JAZF1: variants seen among roughly 807,000 people sequenced by gnomAD.
JAZF1 encodes juxtaposed with another zinc finger protein 1.
In JAZF1, 8 loss-of-function variants were observed where a neutral mutation model predicts 26.4. The observed-to-expected ratio is 0.30, with a 90% CI of 0.18 to 0.55. JAZF1 has a LOEUF of 0.55. JAZF1 is among the 20% of genes least tolerant of loss of function. The probability of loss-of-function intolerance (pLI) is 0.94; values close to 1 mark genes in which losing one functional copy is unlikely to be tolerated. For synonymous variants in JAZF1, 126 were observed against 122.3 expected (o/e 1.03, Z -0.20); for missense variants, 199 against 322.0 (o/e 0.62, Z 2.92).
intron 1 of JAZF1, among the ~76,000 whole-genome samples, chr7:28,067,345 G>C (rs1353402820): frequency 6.6e-6 from 1 of 152,178 alleles, no homozygotes; most frequent in Non-Finnish European, 1.5e-5. Flanking sequence ...TTAAACCAGT[G>C]GAATCTTTAT....
intron 2 of JAZF1, among the ~76,000 whole-genome samples, chr7:27,904,064 C>G (rs1784209118): frequency 6.6e-6 from 1 of 152,148 alleles, no homozygotes; most frequent in South Asian, 2.1e-4. Flanking sequence ...GAAGGACAGT[C>G]TAACATGGAG....
rs1554293530 is a variant in JAZF1, at chr7:28,174,821, G to GGTGGGTGTGTGTGTGTGT, written c.115+5641_115+5642insACACACACACACACCCAC. Among the ~76,000 whole-genome samples, 2 of 107,690 alleles carry GGTGGGTGTGTGTGTGTGT rather than the reference G, an allele frequency of 1.9e-5. 1 individual carries two copies. The highest frequency in any genetic ancestry group is 5.6e-5 in the African/African-American group (2 of 35,750). 70.6% of individuals were successfully genotyped at this position (107,690 alleles called of 152,430 possible). On this transcript the variant is annotated intron_variant, in intron 1 of 4. Transcript: ENST00000283928. The stretch of plus-strand genomic sequence containing the variant: ...CCTGATCCTGCCTATGGGGTGTGTG[G>GGTGGGTGTGTGTGTGTGT]GTGTGTGTGTGTGTGTGTGTGTGTG...
chr7:27,966,661 G>A (rs976190181), intron 2 of JAZF1, among the ~76,000 whole-genome samples: 7 of 152,152 alleles, frequency 4.6e-5, no homozygotes, highest in African/African-American at 9.7e-5. Context: ...TGCAGCAATC[G>A]TTACTGGTGG....
chr7:27,886,278 T>C (rs1231700689), intron 3 of JAZF1, among the ~76,000 whole-genome samples: 1 of 152,180 alleles, frequency 6.6e-6, no homozygotes, highest in Non-Finnish European at 1.5e-5. Context: ...GAACCAAGAA[T>C]TGGATCGAGA....
At chr7:27,899,002 C>T (rs552609130) in intron 2 of JAZF1, among the ~76,000 whole-genome samples, 15 of 152,258 alleles carry the variant, frequency 9.9e-5, no homozygotes, top group Admixed American at 5.9e-4. Context: ...GCCACACAAA[C>T]GCTGTGGGAA....
intron 3 of JAZF1, among the ~76,000 whole-genome samples, chr7:27,863,320 G>T (rs1001999600): frequency 6.6e-5 from 10 of 152,112 alleles, no homozygotes; most frequent in Non-Finnish European, 1.3e-4. Context: ...GAGACCGGTG[G>T]CTATAAAATG....
intron 1 of JAZF1, among the ~76,000 whole-genome samples, chr7:28,040,123 T>C (rs1562567025): frequency 1.3e-5 from 2 of 152,174 alleles, no homozygotes; most frequent in Non-Finnish European, 2.9e-5. Context: ...TCTTTACACA[T>C]GAAAGAAAAA....
intron 2 of JAZF1, among the ~76,000 whole-genome samples, chr7:27,965,740 C>T (rs1202048508): frequency 6.6e-6 from 1 of 152,056 alleles, no homozygotes; most frequent in African/African-American, 2.4e-5. Context: ...AAAACAAAGC[C>T]AAAAATCATA....
At chr7:27,957,095 G>A (rs145624256) in intron 2 of JAZF1, among the ~76,000 whole-genome samples, 190 of 152,232 alleles carry the variant, frequency 1.2e-3, no homozygotes, top group Middle Eastern at 3.4e-3. Flanking sequence ...AGTGGCAAAG[G>A]CCTATTTGGA....
chr7:27,874,919 C>T (rs977356094), intron 3 of JAZF1, among the ~76,000 whole-genome samples: 3 of 152,166 alleles, frequency 2.0e-5, no homozygotes, highest in Non-Finnish European at 4.4e-5. Context: ...AGTGCTGGAG[C>T]GCCGGGAGCT....
At chr7:27,942,405 C>T (rs1258551987) in intron 2 of JAZF1, among the ~76,000 whole-genome samples, 1 of 152,208 alleles carries the variant, frequency 6.6e-6, no homozygotes, top group Non-Finnish European at 1.5e-5. Flanking sequence ...CAAAGGGTTA[C>T]CTGAGTCAAA....
chr7:28,136,080 C>T (rs763756365), intron 1 of JAZF1, among the ~76,000 whole-genome samples: 5 of 152,324 alleles, frequency 3.3e-5, no homozygotes, highest in Admixed American at 1.3e-4. Flanking sequence ...CAATCTACAA[C>T]GCTGCTATGG....
At chr7:28,145,028 C>G (rs780274105) in intron 1 of JAZF1, among the ~76,000 whole-genome samples, 1 of 152,140 alleles carries the variant, frequency 6.6e-6, no homozygotes, top group Non-Finnish European at 1.5e-5. Flanking sequence ...ACAGAACTAT[C>G]CAAACACGTT....
chr7:28,023,280 A>G (rs911081001), intron 1 of JAZF1, among the ~76,000 whole-genome samples: 1 of 152,206 alleles, frequency 6.6e-6, no homozygotes, highest in Admixed American at 6.5e-5. Context: ...AATATACCGA[A>G]GGACAGATTC....
intron 1 of JAZF1, among the ~76,000 whole-genome samples, chr7:28,066,203 A>G (rs1223591197): frequency 6.6e-6 from 1 of 152,206 alleles, no homozygotes; most frequent in Non-Finnish European, 1.5e-5. Context: ...CTCTAAGGCT[A>G]CGGAACTTCA....
intron 1 of JAZF1, among the ~76,000 whole-genome samples, chr7:28,126,723 A>C (rs961700312): frequency 6.6e-6 from 1 of 152,212 alleles, no homozygotes; most frequent in Non-Finnish European, 1.5e-5. Context: ...AAGTGTCTCT[A>C]GAGCCACCTC....
chr7:27,951,502 T>C (rs1751566442), intron 2 of JAZF1, among the ~76,000 whole-genome samples: 1 of 152,194 alleles, frequency 6.6e-6, no homozygotes, highest in Non-Finnish European at 1.5e-5. Context: ...TTTTCTGAAA[T>C]GGTCATCTTT....
At chr7:28,074,994 C>T (rs1273718459) in intron 1 of JAZF1, among the ~76,000 whole-genome samples, 4 of 152,204 alleles carry the variant, frequency 2.6e-5, no homozygotes, top group South Asian at 2.1e-4. Context: ...AAAGGACACA[C>T]GTCCCAGGAA....
At chr7:27,891,252 G>A (rs1783972326) in intron 3 of JAZF1, among the ~76,000 whole-genome samples, 1 of 152,132 alleles carries the variant, frequency 6.6e-6, no homozygotes, top group Non-Finnish European at 1.5e-5. Flanking sequence ...TGTACATAAA[G>A]TTTTAGAAAA....
Sources: gnomAD v4.1 joint callset for allele counts (sites outside exome capture counted in the v4.1 genomes callset) on GRCh38, gnomAD v4.1.1 for gene constraint, MANE v1.5 for transcripts, NCBI Gene and HGNC (gene_info 2026-07-23, HGNC 2026-07-21) for gene names.